RAP1B: variants seen among roughly 807,000 people sequenced by gnomAD.
RAP1B encodes RAP1B, member of RAS oncogene family, also known as ras-related protein Rap-1b.
Under a neutral mutation model 27.5 loss-of-function variants are expected in RAP1B, and 1 was observed. The observed-to-expected ratio is 0.04, with a 90% CI of 0.01 to 0.17. The LOEUF is 0.17. RAP1B is among the 10% of genes least tolerant of loss of function. The pLI is 1.00. For synonymous variants in RAP1B, 75 were observed against 73.1 expected (o/e 1.03, Z -0.13); for missense variants, 84 against 214.8 (o/e 0.39, Z 3.81).
At chr12:68,618,150 C>T (rs117302933) in intron 1 of RAP1B, among the ~76,000 whole-genome samples, 2,654 of 127,648 alleles carry the variant, frequency 0.021, 45 homozygotes, top group Non-Finnish European at 0.025. Context: ...TGCAGTGGCA[C>T]AATCTTCGCT....
intron 4 of RAP1B, among the ~76,000 whole-genome samples, chr12:68,653,099 C>T (rs1431717857): frequency 1.3e-5 from 2 of 152,124 alleles, no homozygotes; most frequent in South Asian, 2.1e-4. Flanking sequence ...GTCCCAGCTA[C>T]TCGGGAGGCT....
chr12:68,631,055 A>G (rs1191818803), intron 1 of RAP1B, among the ~76,000 whole-genome samples: 5 of 152,032 alleles, frequency 3.3e-5, no homozygotes, highest in Non-Finnish European at 5.9e-5. Flanking sequence ...CCTAAGTGCT[A>G]TGTTCTGTGA....
At chr12:68,652,572 T>C (rs1307760170) in intron 4 of RAP1B, among the ~76,000 whole-genome samples, 1 of 152,134 alleles carries the variant, frequency 6.6e-6, no homozygotes, top group Admixed American at 6.5e-5. Flanking sequence ...CCCAGCACTT[T>C]GGGAGGCCAA....
intron 1 of RAP1B, among the ~76,000 whole-genome samples, chr12:68,619,430 T>C (rs1344454583): frequency 6.6e-6 from 1 of 152,208 alleles, no homozygotes; most frequent in Non-Finnish European, 1.5e-5. Flanking sequence ...TTCCAAATGA[T>C]CAATGCATAG....
Position 68,657,116 on chromosome 12 carries a change from G to C in RAP1B, c.484G>C (p.Val162Leu), listed in dbSNP as rs1874260060. ...INVNEIFYDL[V>L]RQINRKTPVP... Reference sequence around the variant, plus strand: ...GTATTTGCAGATCTTTTATGACCTAGTGCGGCAAATTAACAGAAAAACTCC... The same window carrying C: ...GTATTTGCAGATCTTTTATGACCTACTGCGGCAAATTAACAGAAAAACTCC... The change falls in exon 7 of 8, where the codon GTG becomes CTG. Residue 162 changes from valine (V) to leucine (L), a missense_variant. Physicochemically the swap from Val to Leu is conservative, Grantham distance 32. Coordinates refer to ENST00000250559, the MANE Select transcript of RAP1B (RefSeq NM_001010942.3). 1 of 1,613,370 alleles carries C rather than the reference G, an allele frequency of 6.2e-7. No homozygotes were observed. The highest frequency in any genetic ancestry group is 1.3e-5 in the African/African-American group (1 of 74,886).
intron 2 of RAP1B, chr12:68,649,738 G>A (rs1873675868): frequency 6.6e-6 from 1 of 152,166 alleles, no homozygotes; most frequent in African/African-American, 2.4e-5. Context: ...AAAGTGATGG[G>A]GAGGTCAGTT....
chr12:68,648,674 C>A lies in RAP1B; in HGVS notation c.-26-25C>A, dbSNP rs1218599326. ...GGAATACACAACTTTACTTAGAATT[C>A]TTTTTTTTTTTTTCCTTTAATAAGG... On this transcript the variant is annotated intron_variant, in intron 1 of 7. Transcript: ENST00000250559. The A allele has an allele frequency of 3.3e-6, 4 of 1,223,260 alleles. No individual in the cohort carries two copies. In the Admixed American group the frequency reaches 8.4e-5, roughly 26 times the overall value. The allele number at this position is 1,223,260 out of a possible 1,614,324, so 75.8% of individuals were successfully genotyped here.
intron 1 of RAP1B, among the ~76,000 whole-genome samples, chr12:68,611,874 A>G (rs977207457): frequency 1.3e-5 from 2 of 152,204 alleles, no homozygotes; most frequent in Non-Finnish European, 2.9e-5. Context: ...AATTTTATTT[A>G]AAACTACGCC....
rs368960149 is a variant in RAP1B, at chr12:68,632,722, T to C, written c.-26-15977T>C. The stretch of plus-strand genomic sequence containing the variant: ...GGCAGTGGTTTGACCACAACAGTGG[T>C]GTCTATTGCTAGAGAAATTAAAAAT... On this transcript the variant is annotated intron_variant, in intron 1 of 7. Coordinates refer to ENST00000250559, the MANE Select transcript of RAP1B (RefSeq NM_001010942.3). 1.7e-4 allele frequency among the ~76,000 whole-genome samples: 26 copies of C among 152,302 alleles called. No homozygotes were observed. In the East Asian group the frequency reaches 4.1e-3, roughly 24 times the overall value.
At chr12:68,645,563 A>T (rs1169036306) in intron 1 of RAP1B, among the ~76,000 whole-genome samples, 1 of 152,244 alleles carries the variant, frequency 6.6e-6, no homozygotes, top group African/African-American at 2.4e-5. Flanking sequence ...AAAGATCACA[A>T]ATACGCTATA....
Position 68,627,266 on chromosome 12 carries a change from A to G in RAP1B, c.-27+16223A>G, listed in dbSNP as rs1871865782. 9.9e-6 allele frequency: 9 copies of G among 911,208 alleles called. No homozygotes were observed. The East Asian group carries it at 1.7e-4, about 17-fold the overall frequency. The allele number at this position is 911,208 out of a possible 1,614,324, so 56.4% of individuals were successfully genotyped here. Reference sequence around the variant, plus strand: ...TCCAGGGTCCCTTAGAGCAACCCATACAATACAACACACAGGCTGCATACA... The same window carrying G: ...TCCAGGGTCCCTTAGAGCAACCCATGCAATACAACACACAGGCTGCATACA... On this transcript the variant is annotated intron_variant, in intron 1 of 7. Transcript: ENST00000250559.
In RAP1B at chr12:68,667,548, T is replaced by A. The variant is rs1874907804; in HGVS notation, c.*8299T>A. On this transcript the variant is annotated 3_prime_UTR_variant, in exon 8 of 8. Coordinates refer to ENST00000250559, the MANE Select transcript of RAP1B (RefSeq NM_001010942.3). ...TGGGTTTCTTGTCTCTGTAATCACTTCTCAAAAATGAATTTGGGCTTCTCC... is the reference window on the plus strand; with the variant it reads ...TGGGTTTCTTGTCTCTGTAATCACTACTCAAAAATGAATTTGGGCTTCTCC... The A allele has an allele frequency of 6.6e-6, 1 of 152,210 alleles. No individual in the cohort carries two copies. Among genetic ancestry groups the A allele is most frequent in the African/African-American group, 2.4e-5 (1 of 41,448 alleles). The allele number at this position is 152,210 out of a possible 1,614,324, so 9.4% of individuals were successfully genotyped here. A position where few individuals can be genotyped will look rare whatever the true frequency, so the allele number is the denominator to read the frequency against.
chr12:68,653,102 G>A (rs1007721980), intron 4 of RAP1B, among the ~76,000 whole-genome samples: 1 of 152,062 alleles, frequency 6.6e-6, no homozygotes. Flanking sequence ...CCAGCTACTC[G>A]GGAGGCTGAG....
At chr12:68,648,822 C>T (rs748550782) in intron 2 of RAP1B, 41 bp downstream of exon 2, 8 of 1,538,266 alleles carry the variant, frequency 5.2e-6, no homozygotes, top group South Asian at 4.8e-5. Context: ...CACTCCAAGA[C>T]GTTCTTTTTC....
intron 1 of RAP1B, among the ~76,000 whole-genome samples, chr12:68,611,570 G>C (rs954146590): frequency 6.6e-6 from 1 of 152,056 alleles, no homozygotes; most frequent in Non-Finnish European, 1.5e-5. Context: ...AGGAGCCTTC[G>C]GGGGAAACCA....
At chr12:68,611,339 C>G (rs1247813662) in intron 1 of RAP1B, among the ~76,000 whole-genome samples, 2 of 149,594 alleles carry the variant, frequency 1.3e-5, no homozygotes, top group African/African-American at 2.4e-5. Context: ...GAAGTGAGAG[C>G]CCGAGGACCC....
chr12:68,657,077 T>G (rs1565675087), intron 6 of RAP1B, 24 bp from the exon 7 acceptor site: 1 of 1,594,116 alleles, frequency 6.3e-7, no homozygotes. Context: ...TCCTGTAAAT[T>G]AAAACAAATT....
intron 1 of RAP1B, among the ~76,000 whole-genome samples, chr12:68,639,720 C>A (rs1872865171): frequency 6.6e-6 from 1 of 152,222 alleles, no homozygotes; most frequent in Non-Finnish European, 1.5e-5. Flanking sequence ...ATAAGACCAA[C>A]TACATTTAGA....
At chr12:68,646,496 A>G (rs1223336250) in intron 1 of RAP1B, among the ~76,000 whole-genome samples, 1 of 152,118 alleles carries the variant, frequency 6.6e-6, no homozygotes, top group Non-Finnish European at 1.5e-5. Flanking sequence ...GGGTTTCACC[A>G]TATTGGCCAG....
Sources: gnomAD v4.1 joint callset for allele counts (sites outside exome capture counted in the v4.1 genomes callset) on GRCh38, gnomAD v4.1.1 for gene constraint, MANE v1.5 for transcripts, NCBI Gene and HGNC (gene_info 2026-07-23, HGNC 2026-07-21) for gene names.